XRRA1: variants seen among roughly 807,000 people sequenced by gnomAD.
XRRA1 encodes X-ray radiation resistance-associated protein 1.
In XRRA1, 69 loss-of-function variants were observed where a neutral mutation model predicts 80.2. The ratio of observed to expected loss-of-function variants is 0.86; its 90% CI spans 0.71 to 1.05. The LOEUF (loss-of-function observed/expected upper bound fraction) is 1.05, where lower values mean the gene tolerates loss of function less well. Among genes scored for constraint, XRRA1 ranks in the 50% least tolerant of loss-of-function variants. The probability of loss-of-function intolerance (pLI) is 0.00; values close to 1 mark genes in which losing one functional copy is unlikely to be tolerated. For missense variants in XRRA1, 967 were observed against 976.4 expected, an observed-to-expected ratio of 0.99 and a Z score of 0.13; for synonymous variants, 348 against 389.9, an observed-to-expected ratio of 0.89 and a Z score of 1.27.
At chr11:74,898,943 C>CTTCAGA (rs1314297707) in intron 10 of XRRA1, among the ~76,000 whole-genome samples, 1 of 152,152 alleles carries the variant, frequency 6.6e-6, no homozygotes, top group Non-Finnish European at 1.5e-5. Context: ...CATCCAGTGG[C>CTTCAGA]TTCAGAATAC....
chr11:74,861,520 A>AT (rs2042300297), intron 11 of XRRA1, among the ~76,000 whole-genome samples: 1 of 152,194 alleles, frequency 6.6e-6, no homozygotes, highest in Non-Finnish European at 1.5e-5. Context: ...GGGACCATCT[A>AT]ATTGCACGAA....
intron 10 of XRRA1, among the ~76,000 whole-genome samples, chr11:74,887,780 G>A (rs1191083910): frequency 9.9e-5 from 15 of 152,076 alleles, no homozygotes; most frequent in Admixed American, 8.5e-4. Context: ...ATTATATCCC[G>A]CACCTGGCTT....
At chr11:74,913,892 A>T (rs1291334157) in intron 8 of XRRA1, 8 of 152,202 alleles carry the variant, frequency 5.3e-5, no homozygotes, top group Non-Finnish European at 1.2e-4. Context: ...TGAAAGACAT[A>T]ATCCTGTACC....
chr11:74,855,395 A>G (rs1260760090), intron 12 of XRRA1, among the ~76,000 whole-genome samples: 1 of 152,186 alleles, frequency 6.6e-6, no homozygotes, highest in Non-Finnish European at 1.5e-5. Context: ...TACAATTAAG[A>G]ATTGATAAAA....
At chr11:74,868,740 T>TAA (rs999694293) in intron 10 of XRRA1, among the ~76,000 whole-genome samples, 1 of 142,826 alleles carries the variant, frequency 7.0e-6, no homozygotes. Flanking sequence ...CAACAAAGAT[T>TAA]AAAAAAAAAA....
Position 74,845,196 on chromosome 11 carries a change from TTGG to T in XRRA1, c.1801_1803del (p.Pro601del). ...GTCCCTTTCACCTCTCTGGGTGCCG[TTGG>T]TGGTTTCTTTTGGTCTTTCTCCTTT... On this transcript the variant is annotated inframe_deletion, in exon 16 of 19. Transcript: ENST00000684022. 6.2e-7 allele frequency: 1 copy of T among 1,614,046 alleles called. No individual in the cohort carries two copies. The highest frequency in any genetic ancestry group is 1.6e-4 in the Middle Eastern group (1 of 6,062).
Position 74,948,996 on chromosome 11 carries a change from G to C in XRRA1, c.-141C>G, listed in dbSNP as rs1205465130. ...GACGTCCCAGTCAGGAGGGATGCGCGCCTGCGAGCCCCCCGGGGATCTCGG... is the reference window on the plus strand; with the variant it reads ...GACGTCCCAGTCAGGAGGGATGCGCCCCTGCGAGCCCCCCGGGGATCTCGG... On this transcript the variant is annotated 5_prime_UTR_variant, in exon 1 of 19. Transcript: ENST00000684022. The C allele has an allele frequency of 3.3e-6, 1 of 301,450 alleles. No homozygotes were observed. The highest frequency in any genetic ancestry group is 6.4e-6 in the Non-Finnish European group (1 of 157,458). The allele number at this position is 301,450 out of a possible 1,614,324, so 18.7% of individuals were successfully genotyped here.
chr11:74,921,393 A>G (rs781182504), intron 7 of XRRA1, 46 bp from the exon 8 acceptor site: 1 of 1,609,344 alleles, frequency 6.2e-7, no homozygotes, highest in Non-Finnish European at 8.5e-7. Context: ...ACTCTGTGTG[A>G]CAACAATGCT....
intron 10 of XRRA1, among the ~76,000 whole-genome samples, chr11:74,904,509 A>G (rs2054175285): frequency 6.6e-6 from 1 of 152,050 alleles, no homozygotes; most frequent in African/African-American, 2.4e-5. Flanking sequence ...AGATACAGAC[A>G]TGAGATTTCT....
chr11:74,878,283 A>G (rs1233025300), intron 10 of XRRA1, among the ~76,000 whole-genome samples: 3 of 150,922 alleles, frequency 2.0e-5, no homozygotes, highest in South Asian at 2.1e-4. Context: ...GTCTGTTCAT[A>G]TCCTTTGCCC....
At chr11:74,928,303 C>A (rs574736696) in intron 6 of XRRA1, among the ~76,000 whole-genome samples, 2 of 152,292 alleles carry the variant, frequency 1.3e-5, no homozygotes, top group Admixed American at 1.3e-4. Context: ...TACATCTGGG[C>A]TAGGAGAAAC....
chr11:74,919,826 TC>T, intron 8 of XRRA1: 1 of 420,230 alleles, frequency 2.4e-6, no homozygotes. Context: ...ATAAGGAATG[TC>T]CCATGCCGAA....
chr11:74,878,330 T>C lies in XRRA1; in HGVS notation c.1004-15309A>G, dbSNP rs1347517019. Among the ~76,000 whole-genome samples, 7 of 151,944 alleles carry C rather than the reference T, an allele frequency of 4.6e-5. No individual in the cohort carries two copies. In the South Asian group the frequency reaches 1.2e-3, roughly 27 times the overall value. ...GGGTTGTTTGTTTTTTTCTTGTAAA[T>C]TTGTTTGAGTTCATTGTAGATTCTG... On this transcript the variant is annotated intron_variant, in intron 10 of 18. Coordinates refer to ENST00000684022, the MANE Select transcript of XRRA1 (RefSeq NM_001378157.1).
At chr11:74,896,321 G>C (rs1053289001) in intron 10 of XRRA1, among the ~76,000 whole-genome samples, 2 of 152,160 alleles carry the variant, frequency 1.3e-5, no homozygotes, top group African/African-American at 4.8e-5. Context: ...TCCCAGGCCT[G>C]GTAGCATTTA....
chr11:74,938,464 GA>G (rs1591613938), intron 3 of XRRA1, among the ~76,000 whole-genome samples: 1 of 152,316 alleles, frequency 6.6e-6, no homozygotes, highest in East Asian at 1.9e-4. Flanking sequence ...CAACGGGAGA[GA>G]AAAGAGACTA....
intron 12 of XRRA1, among the ~76,000 whole-genome samples, chr11:74,853,205 A>G (rs1236719406): frequency 6.6e-6 from 1 of 152,240 alleles, no homozygotes; most frequent in Non-Finnish European, 1.5e-5. Flanking sequence ...TGCATGAAGT[A>G]CCAGGGTCAT....
At chr11:74,882,330 G>A (rs1174522359) in intron 10 of XRRA1, among the ~76,000 whole-genome samples, 2 of 150,596 alleles carry the variant, frequency 1.3e-5, no homozygotes, top group Non-Finnish European at 3.0e-5. Flanking sequence ...CATTCTTCAC[G>A]TAGTTCTCGA....
intron 8 of XRRA1, among the ~76,000 whole-genome samples, chr11:74,909,735 G>C (rs763054285): frequency 2.0e-5 from 3 of 152,198 alleles, no homozygotes; most frequent in East Asian, 3.9e-4. Flanking sequence ...TGGAGAAGCC[G>C]GGGTTTCCAG....
At position 74,930,298 on chromosome 11, in the gene XRRA1, A is replaced by G. The variant is rs1203441717; in HGVS notation, c.424+2T>C. On this transcript the variant is annotated splice_donor_variant, in intron 6 of 18. Transcript: ENST00000684022. LOFTEE classifies it high-confidence loss of function. The stretch of plus-strand genomic sequence containing the variant: ...AGAGCTTTCAAGAAAGAAAAAGCTT[A>G]CCTAGAGGCAGCAGGTTTTCTGAGG... 6.4e-7 allele frequency: 1 copy of G among 1,563,484 alleles called. No homozygotes were observed. The highest frequency in any genetic ancestry group is 2.3e-5 in the East Asian group (1 of 42,628).
Sources: allele counts gnomAD v4.1 joint callset (sites outside exome capture counted in the v4.1 genomes callset), GRCh38; gene constraint gnomAD v4.1.1; transcripts MANE v1.5; gene names NCBI Gene and HGNC (gene_info 2026-07-23, HGNC 2026-07-21).